The following ATP6V0A4 variants were observed in gnomAD, a reference collection of about 807,000 sequenced individuals.
ATP6V0A4 encodes the protein V-type proton ATPase 116 kDa subunit a 4.
ATP6V0A4 carries 86 observed loss-of-function variants against 107.3 expected under a neutral mutation model. That is an observed-to-expected ratio of 0.80 (90% CI 0.67 to 0.96). ATP6V0A4 has a LOEUF of 0.96. Among genes scored for constraint, ATP6V0A4 ranks in the 40% least tolerant of loss-of-function variants. The pLI is 0.00. For synonymous variants in ATP6V0A4, 353 were observed against 381.4 expected (o/e 0.93, Z 0.87); for missense variants, 908 against 1,045.6 (o/e 0.87, Z 1.81).
chr7:138,736,558 G>A (rs1348124961), intron 15 of ATP6V0A4, among the ~76,000 whole-genome samples: 6 of 152,010 alleles, frequency 3.9e-5, no homozygotes, highest in Non-Finnish European at 8.8e-5. Context: ...AGTTAGGGCT[G>A]CTGTTTTTTT....
At chr7:138,731,481 A>T (rs904641221) in intron 17 of ATP6V0A4, among the ~76,000 whole-genome samples, 3 of 152,174 alleles carry the variant, frequency 2.0e-5, no homozygotes, top group African/African-American at 4.8e-5. Flanking sequence ...AGATAATATG[A>T]TCAGGTTAAT....
rs111576892 is a variant in ATP6V0A4, at chr7:138,755,945, G to A, written c.723-163C>T. ...TGGAAAAGGAGTCCCAGTCATAAGG[G>A]TTCCCAGTACGTCACTTGTGCTGTG... is the stretch of plus-strand genomic sequence containing the variant. On this transcript the variant is annotated intron_variant, in intron 9 of 21. Coordinates refer to ENST00000310018, the MANE Select transcript of ATP6V0A4 (RefSeq NM_020632.3). 1.1e-5 allele frequency: 14 copies of A among 1,299,182 alleles called. No homozygotes were observed. In the Admixed American group the frequency reaches 2.9e-4, roughly 27 times the overall value. The allele number at this position is 1,299,182 out of a possible 1,614,324, so 80.5% of individuals were successfully genotyped here.
At chr7:138,748,302 C>G (rs1319555891) in intron 12 of ATP6V0A4, among the ~76,000 whole-genome samples, 1 of 152,200 alleles carries the variant, frequency 6.6e-6, no homozygotes, top group Non-Finnish European at 1.5e-5. Flanking sequence ...ACCCAGGAGG[C>G]CCCTGCATTA....
intron 1 of ATP6V0A4, among the ~76,000 whole-genome samples, chr7:138,792,624 G>T (rs1563025137): frequency 6.6e-6 from 1 of 152,124 alleles, no homozygotes; most frequent in East Asian, 1.9e-4. Context: ...TAGAGACAGG[G>T]TCTCACTCTG....
chr7:138,743,716 T>TC (rs1805757884), intron 14 of ATP6V0A4, among the ~76,000 whole-genome samples: 1 of 152,122 alleles, frequency 6.6e-6, no homozygotes, highest in Non-Finnish European at 1.5e-5. Context: ...AAAGGAAAGT[T>TC]CCAGAATGAG....
chr7:138,725,374 G>C (rs1302914617), intron 18 of ATP6V0A4, among the ~76,000 whole-genome samples: 2 of 152,208 alleles, frequency 1.3e-5, no homozygotes, highest in East Asian at 1.9e-4. Flanking sequence ...TGTTGGATGA[G>C]AGAAGATAGA....
chr7:138,790,617 C>T (rs1457183967), intron 1 of ATP6V0A4, among the ~76,000 whole-genome samples: 1 of 152,102 alleles, frequency 6.6e-6, no homozygotes, highest in Non-Finnish European at 1.5e-5. Flanking sequence ...TTAATAGCTA[C>T]CCTTTATTTC....
chr7:138,791,027 G>A (rs1371948169), intron 1 of ATP6V0A4, among the ~76,000 whole-genome samples: 1 of 152,034 alleles, frequency 6.6e-6, no homozygotes, highest in East Asian at 1.9e-4. Flanking sequence ...ATAGACAATG[G>A]AAATAAACGA....
Position 138,733,234 on chromosome 7 carries a change from C to T in ATP6V0A4, c.1692-141G>A, listed in dbSNP as rs1209001348. ...ACTGGCAAACAACGGCACCCCCCAC[C>T]CCCCCAGCAAACAGCAATCCTGTAT... On this transcript the variant is annotated intron_variant, in intron 16 of 21. Coordinates refer to ENST00000310018, the MANE Select transcript of ATP6V0A4 (RefSeq NM_020632.3). 4 of 1,393,594 alleles carry T rather than the reference C, an allele frequency of 2.9e-6. 1 individual carries two copies. In the Admixed American group the frequency reaches 9.0e-5, roughly 31 times the overall value. The allele number at this position is 1,393,594 out of a possible 1,614,324, so 86.3% of individuals were successfully genotyped here. A position where few individuals can be genotyped will look rare whatever the true frequency, so the allele number is the denominator to read the frequency against.
intron 17 of ATP6V0A4, among the ~76,000 whole-genome samples, chr7:138,731,512 A>G (rs1156726915): frequency 1.3e-5 from 2 of 152,158 alleles, no homozygotes; most frequent in East Asian, 1.9e-4. Context: ...GGCCAGGGGG[A>G]AAAAGCTACT....
intron 19 of ATP6V0A4, among the ~76,000 whole-genome samples, chr7:138,720,208 T>C (rs1455237710): frequency 6.6e-6 from 1 of 152,094 alleles, no homozygotes; most frequent in East Asian, 1.9e-4. Flanking sequence ...AGTCAAGGAC[T>C]GCACCCTTAA....
At chr7:138,785,899 G>A (rs530998932) in intron 2 of ATP6V0A4, among the ~76,000 whole-genome samples, 24 of 152,240 alleles carry the variant, frequency 1.6e-4, no homozygotes, top group Admixed American at 6.5e-4. Context: ...TCCTGGCCAC[G>A]ACTTTTTCCA....
intron 3 of ATP6V0A4, among the ~76,000 whole-genome samples, chr7:138,770,058 A>G (rs1807301184): frequency 6.6e-6 from 1 of 152,204 alleles, no homozygotes; most frequent in Non-Finnish European, 1.5e-5. Context: ...CTCAAACAAC[A>G]ACAACAAAAA....
intron 2 of ATP6V0A4, among the ~76,000 whole-genome samples, chr7:138,772,044 C>T (rs1807420569): frequency 6.6e-6 from 1 of 152,208 alleles, no homozygotes; most frequent in South Asian, 2.1e-4. Flanking sequence ...ACTCTGGATT[C>T]CAGAATACTT....
intron 10 of ATP6V0A4, among the ~76,000 whole-genome samples, chr7:138,754,534 T>C (rs1005172893): frequency 8.6e-5 from 13 of 151,988 alleles, no homozygotes; most frequent in African/African-American, 3.1e-4. Flanking sequence ...GAGGCACATA[T>C]CTAATTTCTT....
chr7:138,746,716 T>C (rs1031200239), intron 13 of ATP6V0A4, among the ~76,000 whole-genome samples: 6 of 152,082 alleles, frequency 3.9e-5, no homozygotes, highest in Non-Finnish European at 1.5e-5. Context: ...GTTGGCCACG[T>C]TGGCCTCGAA....
chr7:138,784,621 A>G (rs1170985156), intron 2 of ATP6V0A4, among the ~76,000 whole-genome samples: 1 of 152,062 alleles, frequency 6.6e-6, no homozygotes, highest in African/African-American at 2.4e-5. Flanking sequence ...CCTGGCCTAA[A>G]CATAATATTT....
chr7:138,736,675 G>A (rs560183231), intron 15 of ATP6V0A4, among the ~76,000 whole-genome samples: 50 of 152,038 alleles, frequency 3.3e-4, no homozygotes, highest in African/African-American at 1.2e-3. Context: ...GGGTTCAAGC[G>A]ATTCTCCTGC....
intron 19 of ATP6V0A4, among the ~76,000 whole-genome samples, chr7:138,717,422 T>C (rs1459565374): frequency 6.6e-6 from 1 of 152,106 alleles, no homozygotes; most frequent in Admixed American, 6.5e-5. Context: ...GGCGTGCACC[T>C]GTAATCCAGC....
Sources: gnomAD v4.1 joint callset for allele counts (sites outside exome capture counted in the v4.1 genomes callset) on GRCh38, gnomAD v4.1.1 for gene constraint, MANE v1.5 for transcripts, NCBI Gene and HGNC (gene_info 2026-07-23, HGNC 2026-07-21) for gene names.